CARF: variants seen among roughly 807,000 people sequenced by gnomAD.
CARF encodes calcium-responsive transcription factor.
A neutral mutation model predicts 82.0 loss-of-function variants in CARF; 57 were observed. The observed-to-expected ratio is 0.70, with a 90% CI of 0.56 to 0.87. CARF has a LOEUF of 0.87. Ranked by LOEUF, CARF falls within the 40% of genes least tolerant of loss-of-function variation. CARF has a pLI of 0.00. For missense variants in CARF, 771 were observed against 855.8 expected (o/e 0.90, Z 1.24); for synonymous variants, 268 against 290.1 (o/e 0.92, Z 0.77).
At chr2:202,930,968 CTTTTTTTTTTTTTTT>C in intron 3 of CARF, among the ~76,000 whole-genome samples, 1 of 103,180 alleles carries the variant, frequency 9.7e-6, no homozygotes, top group Admixed American at 1.0e-4. Flanking sequence ...TTTTTCTTTT[CTTTTTTTTTTTTTTT>C]TTTTTTTGGC....
intron 2 of CARF, 57 bp downstream of exon 2, chr2:202,918,100 T>C: frequency 2.3e-6 from 1 of 433,880 alleles, no homozygotes; most frequent in Non-Finnish European, 4.6e-6. Context: ...TTAACTATTA[T>C]CTATTACATG....
rs939286188 is a variant in CARF at position 202,984,578 on chromosome 2, T to C, written c.*954T>C. 1 of 152,210 alleles carries C rather than the reference T, an allele frequency of 6.6e-6. No individual in the cohort carries two copies. The highest frequency in any genetic ancestry group is 1.5e-5 in the Non-Finnish European group (1 of 68,030). The allele number at this position is 152,210 out of a possible 1,614,324, so 9.4% of individuals were successfully genotyped here. The stretch of plus-strand genomic sequence containing the variant: ...TAGTTACATTTTTCTATGCCAGAGC[T>C]CTTACTGAATTGATGATATTAGGAT... On this transcript the variant is annotated 3_prime_UTR_variant, in exon 17 of 17. Coordinates refer to ENST00000438828, the MANE Select transcript of CARF (RefSeq NM_024744.17).
chr2:202,960,986 A>C (rs1208759169), intron 8 of CARF, among the ~76,000 whole-genome samples: 2 of 152,180 alleles, frequency 1.3e-5, no homozygotes, highest in Non-Finnish European at 2.9e-5. Context: ...TATCTTTTCT[A>C]AATATTCTTT....
chr2:202,930,482 C>G (rs908971611), intron 3 of CARF, among the ~76,000 whole-genome samples: 3 of 152,190 alleles, frequency 2.0e-5, no homozygotes, highest in African/African-American at 7.2e-5. Context: ...GAAATTCTCT[C>G]TGCTTGATCA....
chr2:202,973,845 T>C (rs1032154441), intron 12 of CARF, among the ~76,000 whole-genome samples: 1 of 151,942 alleles, frequency 6.6e-6, no homozygotes, highest in Non-Finnish European at 1.5e-5. Context: ...CCCAGCACTT[T>C]AGGAGGCCGA....
At chr2:202,953,295 C>T (rs2058842139) in intron 6 of CARF, among the ~76,000 whole-genome samples, 3 of 152,102 alleles carry the variant, frequency 2.0e-5, no homozygotes, top group African/African-American at 7.2e-5. Context: ...GGATTATGCA[C>T]GTGAGCCACT....
Position 202,984,200 on chromosome 2 carries a change from G to C in CARF, c.*576G>C, listed in dbSNP as rs2060366453. The C allele has an allele frequency of 6.6e-6, 1 of 152,220 alleles. No individual in the cohort carries two copies. The highest frequency in any genetic ancestry group is 2.4e-5 in the African/African-American group (1 of 41,452). The allele number at this position is 152,220 out of a possible 1,614,324, so 9.4% of individuals were successfully genotyped here. On this transcript the variant is annotated 3_prime_UTR_variant, in exon 17 of 17. Transcript: ENST00000438828. ...TCCAGCAGCTACATCTGTGGAAACT[G>C]TGCAGTTGCATTTTAGCCTCTTCCC... is the stretch of plus-strand genomic sequence containing the variant.
At position 202,933,678 on chromosome 2, in the gene CARF, G is replaced by C. The variant is rs954818103; in HGVS notation, c.-43-8182G>C. ...CTCCCTCATTTATTTTTGTTAAAAT[G>C]TAGTTGTTTATTCATTGTTTTGATT... On this transcript the variant is annotated intron_variant, in intron 3 of 16. Coordinates refer to ENST00000438828, the MANE Select transcript of CARF (RefSeq NM_024744.17). Among the ~76,000 whole-genome samples, 3 of 152,262 alleles carry C rather than the reference G, an allele frequency of 2.0e-5. No homozygotes were observed. The South Asian group carries it at 6.2e-4, about 32-fold the overall frequency.
chr2:202,959,801 C>A (rs1261085619), intron 8 of CARF, among the ~76,000 whole-genome samples: 3 of 132,068 alleles, frequency 2.3e-5, no homozygotes, highest in African/African-American at 5.6e-5. Flanking sequence ...AAGAGTGAAA[C>A]TCCATCTCAA....
At chr2:202,950,652 C>A (rs1048023034) in intron 5 of CARF, among the ~76,000 whole-genome samples, 1 of 152,078 alleles carries the variant, frequency 6.6e-6, no homozygotes, top group South Asian at 2.1e-4. Context: ...TATAGCCTAC[C>A]ACTAAATAGC....
chr2:202,941,305 T>G (rs1385152163), intron 3 of CARF, among the ~76,000 whole-genome samples: 1 of 152,144 alleles, frequency 6.6e-6, no homozygotes, highest in Non-Finnish European at 1.5e-5. Context: ...GTAGTAGACC[T>G]AAGTGGCTCG....
At chr2:202,960,546 G>A (rs939585980) in intron 8 of CARF, among the ~76,000 whole-genome samples, 10 of 152,016 alleles carry the variant, frequency 6.6e-5, no homozygotes, top group South Asian at 4.2e-4. Context: ...CACTGTGCCC[G>A]GCCTCAGAGA....
chr2:202,950,195 G>C (rs1166633246), intron 5 of CARF, among the ~76,000 whole-genome samples: 1 of 152,040 alleles, frequency 6.6e-6, no homozygotes, highest in Non-Finnish European at 1.5e-5. Context: ...AGGTACCAGG[G>C]GGACTTAGCT....
rs2058284985 is a variant in CARF, at chr2:202,942,667, TTTC to T, written c.79-72_79-70del. 2.5e-6 allele frequency: 3 copies of T among 1,211,436 alleles called. No homozygotes were observed. The East Asian group carries it at 7.7e-5, about 31-fold the overall frequency. The allele number at this position is 1,211,436 out of a possible 1,614,324, so 75.0% of individuals were successfully genotyped here. ...AAAAACAACTGAAAAATGGATGTCT[TTTC>T]ATTTTTATTATACACATCTTTAAAA... On this transcript the variant is annotated intron_variant, in intron 4 of 16. Transcript: ENST00000438828.
chr2:202,957,979 C>T (rs1574680016), intron 8 of CARF, among the ~76,000 whole-genome samples: 3 of 151,878 alleles, frequency 2.0e-5, no homozygotes, highest in Non-Finnish European at 2.9e-5. Context: ...TATTTACTAG[C>T]GTGGGTTGTT....
Position 202,921,554 on chromosome 2 carries a change from CAG to C in CARF, c.-162-2741_-162-2740del, listed in dbSNP as rs1316526086. ...AATTCAGATATAGTTATAAAACACA[CAG>C]AATATAAATTTTATACATAGAGACT... On this transcript the variant is annotated intron_variant, in intron 2 of 16. Transcript: ENST00000438828. Among the ~76,000 whole-genome samples, 90 of 152,118 alleles carry C rather than the reference CAG, an allele frequency of 5.9e-4. 6 individuals carry two copies. The highest frequency in any genetic ancestry group is 2.0e-4 in the Admixed American group (3 of 15,266).
At chr2:202,959,287 G>A (rs900353873) in intron 8 of CARF, among the ~76,000 whole-genome samples, 3 of 152,036 alleles carry the variant, frequency 2.0e-5, no homozygotes, top group Admixed American at 6.6e-5. Flanking sequence ...TTATTTTAGA[G>A]GAAATTGCAG....
At chr2:202,969,721 A>G (rs896581466) in intron 10 of CARF, among the ~76,000 whole-genome samples, 198 bp from the exon 11 acceptor site, 6 of 152,182 alleles carry the variant, frequency 3.9e-5, no homozygotes, top group African/African-American at 1.4e-4. Flanking sequence ...GATATTTTTA[A>G]ATAATGTTTA....
At chr2:202,925,552 C>T (rs950046573) in intron 3 of CARF, 2 of 231,010 alleles carry the variant, frequency 8.7e-6, no homozygotes, top group Admixed American at 5.2e-5. Context: ...GAATGACCTG[C>T]GTCACATGAA....
Sources: allele counts gnomAD v4.1 joint callset (sites outside exome capture counted in the v4.1 genomes callset), GRCh38; gene constraint gnomAD v4.1.1; transcripts MANE v1.5; gene names NCBI Gene and HGNC (gene_info 2026-07-23, HGNC 2026-07-21).